The following COL15A1 variants were observed in gnomAD, a reference collection of about 807,000 sequenced individuals.
COL15A1 encodes collagen type XV alpha 1 chain, also known as collagen alpha-1(XV) chain.
Under a neutral mutation model 165.9 loss-of-function variants are expected in COL15A1, and 111 were observed. The ratio of observed to expected loss-of-function variants is 0.67; its 90% CI spans 0.57 to 0.78. The LOEUF (loss-of-function observed/expected upper bound fraction) is 0.78. Among genes scored for constraint, COL15A1 ranks in the 30% least tolerant of loss-of-function variants. COL15A1 has a pLI of 0.00. For synonymous variants in COL15A1, 659 were observed against 674.8 expected, an observed-to-expected ratio of 0.98 and a Z score of 0.36; for missense variants, 1,745 against 1,789.7, an observed-to-expected ratio of 0.98 and a Z score of 0.45.
chr9:99,038,753 C>CATTCTGGGG lies in COL15A1; in HGVS notation c.2475+20_2475+21insATTCTGGGG. 6.5e-7 allele frequency: 1 copy of CATTCTGGGG among 1,540,856 alleles called. No individual in the cohort carries two copies. Among genetic ancestry groups the CATTCTGGGG allele is most frequent in the Non-Finnish European group, 9.0e-7 (1 of 1,113,886 alleles). ...CCTCCGGTTGGTATCTACAGCTGCCCCAGAATGTGGCTTTTACCCAGACGC... is the reference window on the plus strand; with the variant it reads ...CCTCCGGTTGGTATCTACAGCTGCCCATTCTGGGGCAGAATGTGGCTTTTACCCAGACGC... On this transcript the variant is annotated intron_variant, in intron 22 of 41. Coordinates refer to ENST00000375001, the MANE Select transcript of COL15A1 (RefSeq NM_001855.5).
intron 2 of COL15A1, among the ~76,000 whole-genome samples, chr9:98,965,883 C>T (rs1015598609): frequency 2.6e-5 from 4 of 152,044 alleles, no homozygotes; most frequent in Non-Finnish European, 5.9e-5. Flanking sequence ...ATTCCTTGTC[C>T]TCTTGATCCC....
At chr9:98,984,813 A>C (rs1372917985) in intron 2 of COL15A1, among the ~76,000 whole-genome samples, 2 of 152,096 alleles carry the variant, frequency 1.3e-5, no homozygotes, top group African/African-American at 4.8e-5. Context: ...TTTTTTTGAG[A>C]TGGACTCTCC....
At chr9:99,060,549 G>T (rs961690883) in intron 36 of COL15A1, among the ~76,000 whole-genome samples, 1 of 150,956 alleles carries the variant, frequency 6.6e-6, no homozygotes, top group Admixed American at 6.6e-5. Flanking sequence ...TGGGAGTACA[G>T]ACACGAGCCA....
Position 98,944,020 on chromosome 9 carries a change from T to C in COL15A1, c.-42T>C, listed in dbSNP as rs772331324. The C allele has an allele frequency of 6.2e-7, 1 of 1,613,200 alleles. No individual in the cohort carries two copies. The highest frequency in any genetic ancestry group is 1.1e-5 in the South Asian group (1 of 90,922). On this transcript the variant is annotated 5_prime_UTR_variant, in exon 1 of 42. Coordinates refer to ENST00000375001, the MANE Select transcript of COL15A1 (RefSeq NM_001855.5). ...CCTCCGCTAAGCTCCAACGCTCTGC[T>C]CGACTAGCCGCGCGCCTTCCGGGGC...
chr9:99,051,584 A>G (rs1839588658), intron 30 of COL15A1, among the ~76,000 whole-genome samples: 1 of 152,228 alleles, frequency 6.6e-6, no homozygotes, highest in African/African-American at 2.4e-5. Flanking sequence ...GCAAGATAAC[A>G]GCTTGGAGCT....
chr9:99,033,511 C>T (rs1839243007), intron 16 of COL15A1, among the ~76,000 whole-genome samples: 1 of 152,240 alleles, frequency 6.6e-6, no homozygotes, highest in Admixed American at 6.5e-5. Flanking sequence ...AGCTTCACAG[C>T]AGACTTTTCT....
At chr9:98,970,904 C>T (rs371498621) in intron 2 of COL15A1, among the ~76,000 whole-genome samples, 128 of 152,050 alleles carry the variant, frequency 8.4e-4, no homozygotes, top group African/African-American at 2.9e-3. Context: ...GTTTGTGTGG[C>T]GTGAACCTTC....
chr9:99,061,684 T>C (rs558114072), intron 36 of COL15A1, among the ~76,000 whole-genome samples: 1 of 152,370 alleles, frequency 6.6e-6, no homozygotes, highest in African/African-American at 2.4e-5. Flanking sequence ...GATAACTCCA[T>C]TGACAATTTG....
chr9:99,044,767 A>G lies in COL15A1; in HGVS notation c.2676A>G (p.Pro892=). ...GEPGMHGAPG[P]MGPKGPPGHK... ...CTGGAATGCATGGAGCCCCAGGACCAATGGTAAGTCAGAGCGTCTCTCAGC... is the reference window on the plus strand; with the variant it reads ...CTGGAATGCATGGAGCCCCAGGACCGATGGTAAGTCAGAGCGTCTCTCAGC... The change falls in exon 26 of 42, where the codon CCA becomes CCG. Residue 892 remains proline, a synonymous_variant. Coordinates refer to ENST00000375001, the MANE Select transcript of COL15A1 (RefSeq NM_001855.5). 3.1e-6 allele frequency: 5 copies of G among 1,613,508 alleles called. No homozygotes were observed. The highest frequency in any genetic ancestry group is 4.2e-6 in the Non-Finnish European group (5 of 1,179,410).
chr9:98,973,549 CT>C (rs1838095260), intron 2 of COL15A1, among the ~76,000 whole-genome samples: 1 of 152,194 alleles, frequency 6.6e-6, no homozygotes, highest in Non-Finnish European at 1.5e-5. Context: ...CAGATAAACC[CT>C]CAGGCACCGT....
intron 4 of COL15A1, among the ~76,000 whole-genome samples, chr9:98,988,864 A>G (rs1319997703): frequency 6.6e-6 from 1 of 152,178 alleles, no homozygotes; most frequent in East Asian, 1.9e-4. Flanking sequence ...CAGAGTTTGC[A>G]GTGAGCTGAG....
At chr9:98,990,749 G>A (rs1316100735) in intron 5 of COL15A1, among the ~76,000 whole-genome samples, 31 of 152,198 alleles carry the variant, frequency 2.0e-4, no homozygotes. Flanking sequence ...ATAGAGAAGT[G>A]GGAGGGGAAG....
intron 8 of COL15A1, among the ~76,000 whole-genome samples, 167 bp downstream of exon 8, chr9:99,003,754 C>T (rs918150636): frequency 1.0e-3 from 152 of 152,212 alleles, no homozygotes; most frequent in African/African-American, 3.3e-3. Flanking sequence ...CATTCAGTGG[C>T]GGTGTGCAGA....
At chr9:98,962,190 A>G (rs1837876071) in intron 2 of COL15A1, among the ~76,000 whole-genome samples, 1 of 152,260 alleles carries the variant, frequency 6.6e-6, no homozygotes, top group Admixed American at 6.5e-5. Flanking sequence ...CCGTAAACAT[A>G]GGAAGAATTC....
At position 98,973,414 on chromosome 9, in the gene COL15A1, T is replaced by C. The variant is rs138275619; in HGVS notation, c.101-12151T>C. On this transcript the variant is annotated intron_variant, in intron 2 of 41. Coordinates refer to ENST00000375001, the MANE Select transcript of COL15A1 (RefSeq NM_001855.5). ...TTCAGAAAAATAGGGTCTTTGATTG[T>C]GGCCGAGCCAGGTCTACTTTCTAAG... is the stretch of plus-strand genomic sequence containing the variant. 4.1e-3 allele frequency among the ~76,000 whole-genome samples: 629 copies of C among 152,370 alleles called. 4 individuals are homozygous for C. The highest frequency in any genetic ancestry group is 0.014 in the African/African-American group (598 of 41,594).
At position 99,020,562 on chromosome 9, in the gene COL15A1, A is replaced by C. The variant is rs1218805815; in HGVS notation, c.1701+120A>C. On this transcript the variant is annotated intron_variant, in intron 12 of 41. Transcript: ENST00000375001. ...GGATCGCAGAAGCAGCAAGAGGGCT[A>C]AGCCCAAAAGAAATGGACTTGTAGG... 1.2e-5 allele frequency: 8 copies of C among 694,926 alleles called. No homozygotes were observed. In the East Asian group the frequency reaches 1.9e-4, roughly 17 times the overall value. The allele number at this position is 694,926 out of a possible 1,614,324, so 43.0% of individuals were successfully genotyped here. A position where few individuals can be genotyped will look rare whatever the true frequency, so the allele number is the denominator to read the frequency against.
intron 2 of COL15A1, among the ~76,000 whole-genome samples, chr9:98,978,674 G>A (rs917896195): frequency 2.0e-5 from 3 of 152,060 alleles, no homozygotes; most frequent in African/African-American, 7.2e-5. Flanking sequence ...AGCTGTATCT[G>A]AGTGAGGAAA....
rs765886567 is a variant in COL15A1, at chr9:99,038,663, T to A, written c.2410-5T>A. The stretch of plus-strand genomic sequence containing the variant: ...GTCCTCATTGTCTGATTTTTCTCTT[T>A]TCAGTCCTTGATCAATATCACCCAT... On this transcript the variant is annotated splice_region_variant and splice_polypyrimidine_tract_variant and intron_variant, in intron 21 of 41. Coordinates refer to ENST00000375001, the MANE Select transcript of COL15A1 (RefSeq NM_001855.5). 9.5e-6 allele frequency: 15 copies of A among 1,587,250 alleles called. No homozygotes were observed. Among genetic ancestry groups the A allele is most frequent in the Non-Finnish European group, 1.3e-5 (15 of 1,155,716 alleles).
In COL15A1 at chr9:99,042,207, T is replaced by C. The variant is rs998403464; in HGVS notation, c.2574+100T>C. 4.9e-6 allele frequency: 4 copies of C among 823,888 alleles called. No homozygotes were observed. The South Asian group carries it at 5.1e-5, about 10-fold the overall frequency. The allele number at this position is 823,888 out of a possible 1,614,324, so 51.0% of individuals were successfully genotyped here. A position where few individuals can be genotyped will look rare whatever the true frequency, so the allele number is the denominator to read the frequency against. ...CTATTAACTTTTCTCTTCTTTGAGA[T>C]ACAATTCACATGCCATAAAATTCAC... On this transcript the variant is annotated intron_variant, in intron 24 of 41. Transcript: ENST00000375001.
Sources: allele counts gnomAD v4.1 joint callset (sites outside exome capture counted in the v4.1 genomes callset), GRCh38; gene constraint gnomAD v4.1.1; transcripts MANE v1.5; gene names NCBI Gene and HGNC (gene_info 2026-07-23, HGNC 2026-07-21).